RNF4: variants seen among roughly 807,000 people sequenced by gnomAD.
RNF4 encodes E3 ubiquitin-protein ligase RNF4.
RNF4 carries 7 observed loss-of-function variants against 24.3 expected under a neutral mutation model. The observed-to-expected ratio is 0.29, with a 90% CI of 0.16 to 0.54. The LOEUF is 0.54. RNF4 is among the 20% of genes least tolerant of loss of function. The probability of loss-of-function intolerance (pLI) is 0.95; values close to 1 mark genes in which losing one functional copy is unlikely to be tolerated. For synonymous variants in RNF4, 83 were observed against 84.3 expected, an observed-to-expected ratio of 0.98 and a Z score of 0.09; for missense variants, 209 against 248.5, an observed-to-expected ratio of 0.84 and a Z score of 1.07.
intron 1 of RNF4, among the ~76,000 whole-genome samples, chr4:2,488,854 C>T (rs1210792896): frequency 1.3e-5 from 2 of 151,902 alleles, no homozygotes; most frequent in Admixed American, 6.6e-5. Flanking sequence ...GTTTTGCTCT[C>T]GTTGTCCAGG....
At chr4:2,505,266 C>T (rs1736044501) in intron 4 of RNF4, 1 of 151,810 alleles carries the variant, frequency 6.6e-6, no homozygotes, top group Non-Finnish European at 1.5e-5. Flanking sequence ...TCTGTGTCTT[C>T]TCCAGTGCTG....
In RNF4 at chr4:2,513,372, G is replaced by A. The variant is rs544655457; in HGVS notation, c.423+241G>A. Among the ~76,000 whole-genome samples, 6 of 152,250 alleles carry A rather than the reference G, an allele frequency of 3.9e-5. No individual in the cohort carries two copies. The South Asian group carries it at 6.2e-4, about 16-fold the overall frequency. ...GCCCTGAGCTTCCGGGTGCAAATGC[G>A]TCCTCCTTTTTTGTGCCCCATCCTG... On this transcript the variant is annotated intron_variant, in intron 7 of 7. Coordinates refer to ENST00000314289, the MANE Select transcript of RNF4 (RefSeq NM_002938.5).
At chr4:2,513,254 C>G in intron 7 of RNF4, 123 bp downstream of exon 7, 1 of 911,360 alleles carries the variant, frequency 1.1e-6, no homozygotes, top group Non-Finnish European at 1.8e-6. Context: ...ATGCCTGGGC[C>G]GTCACTTATT....
chr4:2,512,079 C>G lies in RNF4; in HGVS notation c.214+114C>G. On this transcript the variant is annotated intron_variant, in intron 5 of 7. Transcript: ENST00000314289. This position sits in a 1 kb window ranked among gnomAD's most constrained non-coding sequence, Gnocchi z 4.1. ...CCCCAAGGGCTTGGAGCGCTCCAAG[C>G]AGGAAGATGCCTTCGCAGATGCTGT... 2.1e-6 allele frequency: 2 copies of G among 947,168 alleles called. No homozygotes were observed. The highest frequency in any genetic ancestry group is 1.6e-6 in the Non-Finnish European group (1 of 618,774). 58.7% of individuals were successfully genotyped at this position (947,168 alleles called of 1,614,324 possible).
At chr4:2,499,393 C>T in intron 3 of RNF4, 2 of 404,676 alleles carry the variant, frequency 4.9e-6, no homozygotes, top group Non-Finnish European at 4.9e-6. Flanking sequence ...TCTCCTGCCT[C>T]AGCCTCCCGA....
In RNF4 at chr4:2,513,794, A is replaced by G; in HGVS notation, c.548A>G (p.Lys183Arg). The change falls in exon 8 of 8, where the codon AAA (lysine) becomes AGA (arginine). Residue 183 changes from lysine to arginine, a missense_variant. Lys to Arg is a conservative substitution (Grantham distance 26, BLOSUM62 2). Transcript: ENST00000314289. ...CPTCRKKINHKRYHPIYI is the reference protein window; with the variant it reads ...CPTCRKKINHRRYHPIYI Reference sequence around the variant, plus strand: ...ACTTGTAGGAAAAAGATCAACCACAAACGGTACCACCCCATTTATATATGA... The same window carrying G: ...ACTTGTAGGAAAAAGATCAACCACAGACGGTACCACCCCATTTATATATGA... The G allele has an allele frequency of 6.2e-7, 1 of 1,613,948 alleles. No individual in the cohort carries two copies. The highest frequency in any genetic ancestry group is 8.5e-7 in the Non-Finnish European group (1 of 1,179,886).
chr4:2,472,601 T>TAA (rs80169458), intron 1 of RNF4, among the ~76,000 whole-genome samples: 6 of 135,594 alleles, frequency 4.4e-5, no homozygotes, highest in Admixed American at 1.5e-4. Context: ...GCCAGTCTCT[T>TAA]AAAAAAAAAA....
intron 2 of RNF4, among the ~76,000 whole-genome samples, chr4:2,495,476 C>T (rs371898301): frequency 1.3e-5 from 2 of 152,290 alleles, no homozygotes; most frequent in South Asian, 2.1e-4. Context: ...CTTATAACAG[C>T]TCTGCAAGGC....
At chr4:2,499,102 C>T (rs1735832316) in intron 3 of RNF4, among the ~76,000 whole-genome samples, 1 of 148,614 alleles carries the variant, frequency 6.7e-6, no homozygotes, top group Admixed American at 6.7e-5. Context: ...GAGGTTGATG[C>T]AGGAGAATCA....
chr4:2,498,151 T>C (rs1425462191), intron 3 of RNF4, among the ~76,000 whole-genome samples: 1 of 152,178 alleles, frequency 6.6e-6, no homozygotes, highest in Admixed American at 6.5e-5. Flanking sequence ...CTTACCCCTG[T>C]GTGTACTTAG....
intron 2 of RNF4, among the ~76,000 whole-genome samples, chr4:2,491,265 C>T (rs1057104427): frequency 2.6e-5 from 4 of 152,154 alleles, no homozygotes; most frequent in Non-Finnish European, 5.9e-5. Flanking sequence ...GAAACAGGGT[C>T]TCGCTCTGTC....
chr4:2,482,933 G>A (rs1735285694), intron 1 of RNF4, among the ~76,000 whole-genome samples: 1 of 152,156 alleles, frequency 6.6e-6, no homozygotes, highest in Non-Finnish European at 1.5e-5. Context: ...GCTACATCCT[G>A]CCAAGTCTGT....
At chr4:2,478,963 G>C (rs190276522) in intron 1 of RNF4, among the ~76,000 whole-genome samples, 6 of 152,362 alleles carry the variant, frequency 3.9e-5, no homozygotes, top group African/African-American at 1.2e-4. Flanking sequence ...GAAAACAGCC[G>C]GGAGGGAGGC....
At chr4:2,492,225 T>G (rs1393223584) in intron 2 of RNF4, among the ~76,000 whole-genome samples, 4 of 151,994 alleles carry the variant, frequency 2.6e-5, no homozygotes, top group Non-Finnish European at 4.4e-5. Context: ...AAATCATTTT[T>G]GTAGGCATGG....
intron 3 of RNF4, 183 bp downstream of exon 3, chr4:2,497,304 A>G (rs377036277): frequency 4.0e-6 from 2 of 499,122 alleles, no homozygotes; most frequent in Admixed American, 3.8e-5. Flanking sequence ...TAACTGTTCA[A>G]CTCTGGTAAT....
intron 4 of RNF4, among the ~76,000 whole-genome samples, chr4:2,508,151 A>G (rs1011495916): frequency 6.6e-6 from 1 of 152,154 alleles, no homozygotes; most frequent in African/African-American, 2.4e-5. Flanking sequence ...CCAGCCGAGG[A>G]AGTGTGAATT....
Position 2,497,077 on chromosome 4 carries a change from C to T in RNF4, c.80C>T (p.Pro27Leu). Residue 27 changes from proline (P) to leucine (L), a missense_variant, in exon 3 of 8, where the codon CCC becomes CTC. Physicochemically the swap from Pro to Leu is moderately conservative, Grantham distance 98. This residue lies in a region of RNF4 where 182 missense variants were observed against 197.2 expected (regional missense o/e 0.92). Transcript: ENST00000314289. ...QKRTREATSTPEISLEAEPIE... is the reference protein window; with the variant it reads ...QKRTREATSTLEISLEAEPIE... ...CGAACTCGGGAAGCAACCTCCACCC[C>T]CGAGATCTCCTTGGAAGCAGAACCC... 1.2e-6 allele frequency: 2 copies of T among 1,609,880 alleles called. No individual in the cohort carries two copies. The highest frequency in any genetic ancestry group is 1.7e-6 in the Non-Finnish European group (2 of 1,178,150).
Position 2,490,465 on chromosome 4 carries a change from G to A in RNF4, c.-29G>A. On this transcript the variant is annotated 5_prime_UTR_variant, in exon 2 of 8. Transcript: ENST00000314289. ...CTTGGTATAGATCACTTCCTTTTCT[G>A]TAGGAAAGGAAAGGCACCAAAGAGC... The A allele has an allele frequency of 1.2e-6, 2 of 1,611,076 alleles. No individual in the cohort carries two copies. The highest frequency in any genetic ancestry group is 1.7e-6 in the Non-Finnish European group (2 of 1,178,442).
intron 3 of RNF4, chr4:2,499,188 C>T: frequency 2.7e-6 from 1 of 376,790 alleles, no homozygotes; most frequent in South Asian, 1.9e-5. Flanking sequence ...CAGAGCGAGA[C>T]TCTGTCTCAA....
Sources: gnomAD v4.1 joint callset for allele counts (sites outside exome capture counted in the v4.1 genomes callset) on GRCh38, gnomAD v4.1.1 for gene constraint, gnomAD v4.1.1 regional missense constraint, Gnocchi (gnomAD v3.1) non-coding constraint, MANE v1.5 for transcripts, NCBI Gene and HGNC (gene_info 2026-07-23, HGNC 2026-07-21) for gene names.